Variants in ASCC3 observed in about 807,000 individuals in gnomAD.
ASCC3 encodes the protein ASC-1 complex subunit P200.
Under a neutral mutation model 256.3 loss-of-function variants are expected in ASCC3, and 158 were observed. The ratio of observed to expected loss-of-function variants is 0.62; its 90% CI spans 0.54 to 0.70. ASCC3 has a LOEUF of 0.70. Ranked by LOEUF, ASCC3 falls within the 30% of genes least tolerant of loss-of-function variation. The pLI is 0.00. For missense variants in ASCC3, 2,259 were observed against 2,626.0 expected (o/e 0.86, Z 3.05); for synonymous variants, 948 against 883.4 (o/e 1.07, Z -1.30).
chr6:100,620,904 C>T (rs550051922), intron 30 of ASCC3, among the ~76,000 whole-genome samples: 1 of 152,240 alleles, frequency 6.6e-6, no homozygotes, highest in South Asian at 2.1e-4. Flanking sequence ...GGTTCAACAA[C>T]TAAAACACCT....
chr6:100,759,967 G>A (rs1338889590), intron 10 of ASCC3, among the ~76,000 whole-genome samples: 2 of 152,082 alleles, frequency 1.3e-5, no homozygotes, highest in Non-Finnish European at 2.9e-5. Context: ...TATTGTTGGT[G>A]TAAAGGAATG....
At chr6:100,710,628 G>C (rs1431360710) in intron 13 of ASCC3, among the ~76,000 whole-genome samples, 1 of 152,016 alleles carries the variant, frequency 6.6e-6, no homozygotes, top group Non-Finnish European at 1.5e-5. Flanking sequence ...TTCCTAAGGG[G>C]GCATCTTAGT....
At chr6:100,739,787 C>T (rs185486705) in intron 10 of ASCC3, among the ~76,000 whole-genome samples, 2 of 152,046 alleles carry the variant, frequency 1.3e-5, no homozygotes, top group East Asian at 3.9e-4. Context: ...GTGACATATC[C>T]CTTATCATTT....
At position 100,517,634 on chromosome 6, in the gene ASCC3, T is replaced by A. The variant is rs770039019; in HGVS notation, c.5927+357A>T. On this transcript the variant is annotated intron_variant, in intron 38 of 41. Coordinates refer to ENST00000369162, the MANE Select transcript of ASCC3 (RefSeq NM_006828.4). Reference sequence around the variant, plus strand: ...CAGATATCTCAAATCTCCTCAACGATAACAGACATTGATCATTTATTTTGC... The same window carrying A: ...CAGATATCTCAAATCTCCTCAACGAAAACAGACATTGATCATTTATTTTGC... Among the ~76,000 whole-genome samples the A allele has an allele frequency of 4.7e-4, 72 of 152,316 alleles. No individual in the cohort carries two copies. The Middle Eastern group carries it at 0.01, about 22-fold the overall frequency.
intron 4 of ASCC3, among the ~76,000 whole-genome samples, chr6:100,840,124 T>C (rs1196698219): frequency 6.6e-6 from 1 of 152,086 alleles, no homozygotes; most frequent in Non-Finnish European, 1.5e-5. Context: ...GAAAAGAAAC[T>C]TGGGAGAAAA....
rs780464565 is a variant in ASCC3 at position 100,516,363 on chromosome 6, T to C, written c.5928-36A>G. ...ATATCAAACCAACCAAATAATTGTT[T>C]CACAGCACAAAGAAGATTTTCTGAC... On this transcript the variant is annotated intron_variant, in intron 38 of 41. Transcript: ENST00000369162. 6 of 1,612,654 alleles carry C rather than the reference T, an allele frequency of 3.7e-6. No homozygotes were observed. The South Asian group carries it at 6.6e-5, about 18-fold the overall frequency.
chr6:100,670,428 T>C (rs1040945364), intron 14 of ASCC3, among the ~76,000 whole-genome samples: 1 of 151,950 alleles, frequency 6.6e-6, no homozygotes, highest in Admixed American at 6.6e-5. Flanking sequence ...TGTCTGCCTG[T>C]ATACTTTAAA....
At chr6:100,637,477 C>G (rs1774898410) in intron 25 of ASCC3, among the ~76,000 whole-genome samples, 1 of 152,146 alleles carries the variant, frequency 6.6e-6, no homozygotes, top group Non-Finnish European at 1.5e-5. Context: ...AACATAACAT[C>G]TATTCTGTAC....
intron 36 of ASCC3, among the ~76,000 whole-genome samples, chr6:100,575,495 A>G (rs1056002844): frequency 6.6e-6 from 1 of 152,084 alleles, no homozygotes; most frequent in African/African-American, 2.4e-5. Context: ...CAGTACTGAG[A>G]ACGGCTAAAC....
At chr6:100,675,752 T>C (rs1363195808) in intron 14 of ASCC3, among the ~76,000 whole-genome samples, 2 of 152,166 alleles carry the variant, frequency 1.3e-5, no homozygotes, top group Non-Finnish European at 1.5e-5. Flanking sequence ...ATCACTGATA[T>C]ATGTAAAAAT....
At chr6:100,687,917 AAAATAATAC>A (rs1460729623) in intron 13 of ASCC3, among the ~76,000 whole-genome samples, 1 of 152,096 alleles carries the variant, frequency 6.6e-6, no homozygotes, top group Non-Finnish European at 1.5e-5. Context: ...CATGTGGACA[AAAATAATAC>A]CACCTGAAAA....
At chr6:100,561,929 C>T (rs1382951109) in intron 36 of ASCC3, among the ~76,000 whole-genome samples, 2 of 152,120 alleles carry the variant, frequency 1.3e-5, no homozygotes, top group Non-Finnish European at 2.9e-5. Flanking sequence ...TACAGTGCTT[C>T]TGGCAAATTG....
chr6:100,701,664 C>G (rs9386233), intron 13 of ASCC3, among the ~76,000 whole-genome samples: 4 of 151,866 alleles, frequency 2.6e-5, no homozygotes, highest in Admixed American at 2.0e-4. Context: ...AAGGGTGACA[C>G]TAATTTTAAA....
At chr6:100,683,735 GC>G (rs1777421704) in intron 13 of ASCC3, among the ~76,000 whole-genome samples, 1 of 151,966 alleles carries the variant, frequency 6.6e-6, no homozygotes, top group Non-Finnish European at 1.5e-5. Flanking sequence ...AATAATGATG[GC>G]AAATTCAGAT....
chr6:100,845,425 T>C (rs911818913), intron 4 of ASCC3, among the ~76,000 whole-genome samples: 4 of 152,170 alleles, frequency 2.6e-5, no homozygotes, highest in African/African-American at 9.7e-5. Flanking sequence ...TTGTTAGATT[T>C]TCTTATGTTT....
chr6:100,762,262 C>G (rs1781456187), intron 10 of ASCC3, among the ~76,000 whole-genome samples: 1 of 87,542 alleles, frequency 1.1e-5, no homozygotes, highest in African/African-American at 3.9e-5. Flanking sequence ...GATGAGCAAA[C>G]AAATATAAAA....
At chr6:100,762,725 C>CA (rs1781473888) in intron 10 of ASCC3, among the ~76,000 whole-genome samples, 2 of 152,236 alleles carry the variant, frequency 1.3e-5, no homozygotes, top group Non-Finnish European at 2.9e-5. Flanking sequence ...TAGTGAACCA[C>CA]AAAATACATC....
At chr6:100,639,084 T>A (rs1021630408) in intron 24 of ASCC3, among the ~76,000 whole-genome samples, 5 of 152,168 alleles carry the variant, frequency 3.3e-5, no homozygotes, top group Non-Finnish European at 7.3e-5. Flanking sequence ...CTTTTTCCAA[T>A]CAGGAAAGTC....
At chr6:100,693,523 T>C (rs776327900) in intron 13 of ASCC3, among the ~76,000 whole-genome samples, 5 of 152,132 alleles carry the variant, frequency 3.3e-5, no homozygotes, top group African/African-American at 4.8e-5. Context: ...GTTCAATGAA[T>C]AAGACATTAT....
Sources: gnomAD v4.1 joint callset for allele counts (sites outside exome capture counted in the v4.1 genomes callset) on GRCh38, gnomAD v4.1.1 for gene constraint, MANE v1.5 for transcripts, NCBI Gene and HGNC (gene_info 2026-07-23, HGNC 2026-07-21) for gene names.